BNIP2: variants seen among roughly 807,000 people sequenced by gnomAD.
BNIP2 encodes BCL2 interacting protein 2.
BNIP2 carries 36 observed loss-of-function variants against 43.4 expected under a neutral mutation model. The ratio of observed to expected loss-of-function variants is 0.83; its 90% confidence interval spans 0.64 to 1.10. BNIP2 has a LOEUF of 1.10. Among genes scored for constraint, BNIP2 ranks in the 50% least tolerant of loss-of-function variants. The pLI, the probability that BNIP2 is intolerant of heterozygous loss-of-function variation, is 0.00. For synonymous variants in BNIP2, 146 were observed against 121.0 expected, an observed-to-expected ratio of 1.21 and a Z score of -1.35; for missense variants, 417 against 374.1, an observed-to-expected ratio of 1.11 and a Z score of -0.95.
chr15:59,675,248 C>CA (rs1342622252), intron 5 of BNIP2, among the ~76,000 whole-genome samples: 871 of 83,288 alleles, frequency 0.01, 11 homozygotes, highest in African/African-American at 0.031. Flanking sequence ...GACTCCATCT[C>CA]AAAAAAAAAA....
chr15:59,686,871 G>T lies in BNIP2; in HGVS notation c.-58+2264C>A, dbSNP rs562749643. Among the ~76,000 whole-genome samples the T allele has an allele frequency of 2.6e-5, 4 of 152,222 alleles. No individual in the cohort carries two copies. In the South Asian group the frequency reaches 8.3e-4, roughly 32 times the overall value. On this transcript the variant is annotated intron_variant, in intron 1 of 9. Transcript: ENST00000607373. ...ATCTCTACCAAAAATACAAAAATTA[G>T]CCAGGAGTGGTGGCACTGGCCTGTA...
chr15:59,679,541 A>T (rs1893517596), intron 4 of BNIP2, 51 bp downstream of exon 4: 3 of 1,537,066 alleles, frequency 2.0e-6, no homozygotes, highest in African/African-American at 2.8e-5. Flanking sequence ...TTTCAAACAA[A>T]ATCCCTTAGT....
At chr15:59,668,151 G>T (rs1892677807) in intron 9 of BNIP2, 6 of 1,244,962 alleles carry the variant, frequency 4.8e-6, no homozygotes, top group Non-Finnish European at 6.4e-6. Context: ...TTGTAGGGAA[G>T]AGTTATTTCA....
intron 1 of BNIP2, among the ~76,000 whole-genome samples, chr15:59,685,856 A>G (rs1357255074): frequency 6.6e-6 from 1 of 152,268 alleles, no homozygotes; most frequent in Non-Finnish European, 1.5e-5. Context: ...CAAACAAGAA[A>G]GGAGTTAATA....
intron 9 of BNIP2, chr15:59,667,996 G>T: frequency 1.4e-6 from 1 of 695,932 alleles, no homozygotes; most frequent in Non-Finnish European, 2.1e-6. Flanking sequence ...ATTTATATTT[G>T]CAAATGCTAT....
intron 5 of BNIP2, among the ~76,000 whole-genome samples, chr15:59,677,553 C>T (rs1893383183): frequency 6.6e-6 from 1 of 152,018 alleles, no homozygotes. Context: ...GGAGGGGAGA[C>T]CTTAAGAATT....
intron 7 of BNIP2, 70 bp downstream of exon 7, chr15:59,671,113 A>G: frequency 1.4e-6 from 2 of 1,398,498 alleles, no homozygotes; most frequent in Non-Finnish European, 1.9e-6. Flanking sequence ...AGCAACGAAA[A>G]ACAAAGTTTG....
At chr15:59,670,083 A>C (rs1184557524) in intron 7 of BNIP2, among the ~76,000 whole-genome samples, 1 of 152,202 alleles carries the variant, frequency 6.6e-6, no homozygotes, top group Non-Finnish European at 1.5e-5. Flanking sequence ...TCCCAAGACA[A>C]AACACTTCTA....
intron 1 of BNIP2, among the ~76,000 whole-genome samples, chr15:59,685,294 GTT>G (rs1893939400): frequency 6.6e-6 from 1 of 152,174 alleles, no homozygotes; most frequent in African/African-American, 2.4e-5. Flanking sequence ...GAGGTCAGGA[GTT>G]TGAGACCAGC....
rs1200838195 is a variant in BNIP2, at chr15:59,669,571, G to C, written c.708-209C>G. Among the ~76,000 whole-genome samples, 11 of 152,216 alleles carry C rather than the reference G, an allele frequency of 7.2e-5. 1 individual carries two copies. The highest frequency in any genetic ancestry group is 7.2e-4 in the Admixed American group (11 of 15,286). On this transcript the variant is annotated intron_variant, in intron 7 of 9. Coordinates refer to ENST00000607373, the MANE Select transcript of BNIP2 (RefSeq NM_004330.4). The stretch of plus-strand genomic sequence containing the variant: ...AAATGAACTTTACTTCATTTGGCCA[G>C]ATTTACGTCCACAGTATAGCCTGTT...
chr15:59,681,434 G>T (rs1464041041), intron 2 of BNIP2, among the ~76,000 whole-genome samples: 1 of 150,458 alleles, frequency 6.6e-6, no homozygotes, highest in Admixed American at 6.7e-5. Context: ...TTTTTTGGTG[G>T]GGGGGAACCC....
At chr15:59,681,865 T>TTA (rs1281020440) in intron 2 of BNIP2, among the ~76,000 whole-genome samples, 3 of 151,978 alleles carry the variant, frequency 2.0e-5, no homozygotes, top group Non-Finnish European at 4.4e-5. Flanking sequence ...CTAAAACACT[T>TTA]TATTATAAAA....
At chr15:59,687,378 G>A (rs1221072648) in intron 1 of BNIP2, among the ~76,000 whole-genome samples, 1 of 142,214 alleles carries the variant, frequency 7.0e-6, no homozygotes, top group Admixed American at 7.3e-5. Context: ...TTGAGACGGA[G>A]TCTCACTCTG....
chr15:59,688,697 C>T (rs1344750700), intron 1 of BNIP2: 1 of 1,534,508 alleles, frequency 6.5e-7, no homozygotes, highest in South Asian at 1.2e-5. Context: ...ACTTATGCTG[C>T]TTCCGTGTCT....
At chr15:59,680,477 C>G (rs925094558) in intron 2 of BNIP2, among the ~76,000 whole-genome samples, 169 bp from the exon 3 acceptor site, 2 of 152,156 alleles carry the variant, frequency 1.3e-5, no homozygotes, top group South Asian at 4.1e-4. Context: ...GGCTGGAATA[C>G]AATGGCACAA....
intron 9 of BNIP2, chr15:59,668,276 A>T: frequency 2.5e-6 from 1 of 404,768 alleles, no homozygotes; most frequent in Non-Finnish European, 4.4e-6. Context: ...AGAAAGTAAA[A>T]ATTTACTTAA....
rs1176922685 is a variant in BNIP2, at chr15:59,662,911, A to T, written c.*1158T>A. ...TTCAATGTAAAGGTACTACCAAATG[A>T]AACAGTTTAAATGCTTGTAACAAAC... is the stretch of plus-strand genomic sequence containing the variant. On this transcript the variant is annotated 3_prime_UTR_variant, in exon 10 of 10. Coordinates refer to ENST00000607373, the MANE Select transcript of BNIP2 (RefSeq NM_004330.4). 6.6e-6 allele frequency: 1 copy of T among 152,282 alleles called. No homozygotes were observed. Among genetic ancestry groups the T allele is most frequent in the African/African-American group, 2.4e-5 (1 of 41,454 alleles). The allele number at this position is 152,282 out of a possible 1,614,324, so 9.4% of individuals were successfully genotyped here.
chr15:59,678,665 G>A lies in BNIP2; in HGVS notation c.296-578C>T, dbSNP rs535569763. 3 of 1,187,038 alleles carry A rather than the reference G, an allele frequency of 2.5e-6. No homozygotes were observed. The African/African-American group carries it at 4.8e-5, about 19-fold the overall frequency. 73.5% of individuals were successfully genotyped at this position (1,187,038 alleles called of 1,614,324 possible). On this transcript the variant is annotated intron_variant, in intron 4 of 9. Transcript: ENST00000607373. ...CCAAAGCATAAGCACCAATGATTAA[G>A]TGTAATTTATGTTTTGAGATTGCAG...
intron 1 of BNIP2, among the ~76,000 whole-genome samples, chr15:59,686,974 G>A (rs950715094): frequency 6.6e-5 from 10 of 152,134 alleles, no homozygotes; most frequent in Non-Finnish European, 1.0e-4. Flanking sequence ...CCGAGATTGC[G>A]CCATTGCATT....
Sources: allele counts gnomAD v4.1 joint callset (sites outside exome capture counted in the v4.1 genomes callset), GRCh38; gene constraint gnomAD v4.1.1; transcripts MANE v1.5; gene names NCBI Gene and HGNC (gene_info 2026-07-23, HGNC 2026-07-21).